GABRG3: variants seen among roughly 807,000 people sequenced by gnomAD.
GABRG3 encodes gamma-aminobutyric acid type A receptor subunit gamma3, also known as gamma-aminobutyric acid receptor subunit gamma-3.
Under a neutral mutation model 48.8 loss-of-function variants are expected in GABRG3, and 25 were observed. The observed-to-expected ratio is 0.51, with a 90% CI of 0.37 to 0.72. The LOEUF is 0.72. Ranked by LOEUF, GABRG3 falls within the 30% of genes least tolerant of loss-of-function variation. The pLI is 0.00. For missense variants in GABRG3, 394 were observed against 577.9 expected (o/e 0.68, Z 3.26); for synonymous variants, 227 against 217.6 (o/e 1.04, Z -0.38).
At chr15:27,037,393 C>T (rs1896197991) in intron 3 of GABRG3, among the ~76,000 whole-genome samples, 1 of 152,164 alleles carries the variant, frequency 6.6e-6, no homozygotes, top group African/African-American at 2.4e-5. Flanking sequence ...GGTTTATTTT[C>T]AATAAACCTG....
At chr15:27,224,511 C>T (rs1156751176) in intron 3 of GABRG3, among the ~76,000 whole-genome samples, 1 of 152,172 alleles carries the variant, frequency 6.6e-6, no homozygotes. Flanking sequence ...GGGGTAGCCT[C>T]CAGTTGTCTG....
chr15:27,413,588 A>G (rs1887862353), intron 5 of GABRG3, among the ~76,000 whole-genome samples: 1 of 151,876 alleles, frequency 6.6e-6, no homozygotes, highest in African/African-American at 2.4e-5. Flanking sequence ...CTTAATGCAT[A>G]CTTTCACATT....
intron 3 of GABRG3, among the ~76,000 whole-genome samples, chr15:27,115,464 A>G (rs1483383625): frequency 6.6e-6 from 1 of 152,160 alleles, no homozygotes; most frequent in East Asian, 1.9e-4. Context: ...CCTGCCACAC[A>G]TCCAACCCAA....
intron 3 of GABRG3, among the ~76,000 whole-genome samples, chr15:27,076,239 A>T (rs1896907424): frequency 6.6e-6 from 1 of 151,734 alleles, no homozygotes; most frequent in Non-Finnish European, 1.5e-5. Context: ...CCCCCAAAAC[A>T]TCCATGCCAA....
chr15:27,334,830 A>G (rs1201276670), intron 5 of GABRG3, among the ~76,000 whole-genome samples: 1 of 152,202 alleles, frequency 6.6e-6, no homozygotes, highest in Non-Finnish European at 1.5e-5. Context: ...TAAGGCTAGC[A>G]AAGAGTATTT....
At chr15:27,305,131 C>T (rs1323284221) in intron 3 of GABRG3, among the ~76,000 whole-genome samples, 1 of 151,638 alleles carries the variant, frequency 6.6e-6, no homozygotes, top group South Asian at 2.1e-4. Flanking sequence ...GGCAACAGTC[C>T]AGTATCATTC....
At chr15:27,113,998 G>C (rs139086428) in intron 3 of GABRG3, among the ~76,000 whole-genome samples, 49 of 152,328 alleles carry the variant, frequency 3.2e-4, no homozygotes, top group Admixed American at 7.2e-4. Flanking sequence ...AAACATATTT[G>C]ATAGATTTCA....
At chr15:27,374,441 G>A (rs1182554643) in intron 5 of GABRG3, among the ~76,000 whole-genome samples, 1 of 151,914 alleles carries the variant, frequency 6.6e-6, no homozygotes, top group African/African-American at 2.4e-5. Context: ...ATTTTCTATT[G>A]ATATATTTCC....
intron 6 of GABRG3, among the ~76,000 whole-genome samples, chr15:27,484,911 G>GA (rs1890184451): frequency 6.6e-6 from 1 of 152,186 alleles, no homozygotes; most frequent in Non-Finnish European, 1.5e-5. Context: ...ATAAATGATT[G>GA]AATAAATACA....
At chr15:27,132,471 GT>G (rs59023766) in intron 3 of GABRG3, among the ~76,000 whole-genome samples, 11,137 of 39,000 alleles carry the variant, frequency 0.29, 3,004 homozygotes, top group Middle Eastern at 0.5. Flanking sequence ...AGTAGTTACA[GT>G]TTTTTTTTTT....
intron 3 of GABRG3, among the ~76,000 whole-genome samples, chr15:27,163,710 A>C (rs11858878): frequency 6.6e-6 from 1 of 151,726 alleles, no homozygotes; most frequent in African/African-American, 2.4e-5. Context: ...CACTCTCTCT[A>C]ATTCTCCAGC....
chr15:27,027,483 T>G (rs1051637455), intron 3 of GABRG3, among the ~76,000 whole-genome samples: 1 of 152,198 alleles, frequency 6.6e-6, no homozygotes, highest in Non-Finnish European at 1.5e-5. Flanking sequence ...TGCTCCTGAT[T>G]TGGGGAGACG....
At chr15:27,408,633 A>G (rs143593412) in intron 5 of GABRG3, among the ~76,000 whole-genome samples, 7 of 152,276 alleles carry the variant, frequency 4.6e-5, no homozygotes, top group Admixed American at 4.6e-4. Flanking sequence ...CATGTTTTGG[A>G]ATTCCAGAGA....
At chr15:27,529,298 G>A (rs1891358115) in intron 9 of GABRG3, among the ~76,000 whole-genome samples, 1 of 152,182 alleles carries the variant, frequency 6.6e-6, no homozygotes, top group Non-Finnish European at 1.5e-5. Flanking sequence ...AGGGTAGAGT[G>A]TAGCTTTACT....
intron 3 of GABRG3, among the ~76,000 whole-genome samples, chr15:27,318,569 C>T (rs775478301): frequency 2.3e-4 from 35 of 152,138 alleles, no homozygotes; most frequent in Non-Finnish European, 3.8e-4. Flanking sequence ...TCCCTAGGGC[C>T]GATTGTGCCC....
At chr15:26,986,355 G>A (rs770401935) in intron 2 of GABRG3, among the ~76,000 whole-genome samples, 1 of 152,166 alleles carries the variant, frequency 6.6e-6, no homozygotes, top group African/African-American at 2.4e-5. Context: ...AAGGGAGGTG[G>A]AGAATAAATT....
At chr15:27,252,767 T>G (rs2140461063) in intron 3 of GABRG3, among the ~76,000 whole-genome samples, 1 of 152,350 alleles carries the variant, frequency 6.6e-6, no homozygotes, top group East Asian at 1.9e-4. Context: ...CCTCATCATC[T>G]TATGGATAAA....
At chr15:27,294,177 T>C (rs1891897873) in intron 3 of GABRG3, among the ~76,000 whole-genome samples, 1 of 151,842 alleles carries the variant, frequency 6.6e-6, no homozygotes, top group Admixed American at 6.6e-5. Flanking sequence ...CCCAGATCCC[T>C]GTCATCTGTA....
At chr15:27,069,434 A>G (rs1175372481) in intron 3 of GABRG3, among the ~76,000 whole-genome samples, 1 of 152,126 alleles carries the variant, frequency 6.6e-6, no homozygotes, top group Admixed American at 6.5e-5. Context: ...AAAGTTCTAA[A>G]ATGTTGTGCA....
Sources: allele counts gnomAD v4.1 joint callset (sites outside exome capture counted in the v4.1 genomes callset), GRCh38; gene constraint gnomAD v4.1.1; transcripts MANE v1.5; gene names NCBI Gene and HGNC (gene_info 2026-07-23, HGNC 2026-07-21).